KNDC1: variants seen among roughly 807,000 people sequenced by gnomAD.
The protein encoded by KNDC1 is kinase non-catalytic C-lobe domain containing 1.
A neutral mutation model predicts 172.8 loss-of-function variants in KNDC1; 106 were observed. The ratio of observed to expected loss-of-function variants is 0.61; its 90% confidence interval spans 0.52 to 0.72. KNDC1 has a LOEUF of 0.72. Among genes scored for constraint, KNDC1 ranks in the 30% least tolerant of loss-of-function variants. KNDC1 has a pLI of 0.00. For synonymous variants in KNDC1, 1,083 were observed against 1,062.2 expected, an observed-to-expected ratio of 1.02 and a Z score of -0.38; for missense variants, 2,325 against 2,394.5, an observed-to-expected ratio of 0.97 and a Z score of 0.61.
At chr10:133,200,861 G>A (rs1045961183) in intron 16 of KNDC1, among the ~76,000 whole-genome samples, 4 of 152,230 alleles carry the variant, frequency 2.6e-5, no homozygotes, top group African/African-American at 9.6e-5. Flanking sequence ...CAAGGCAGAA[G>A]TGGGCTTGTT....
Position 133,207,277 on chromosome 10 carries a change from C to G in KNDC1, c.3720C>G (p.His1240Gln). 1 of 1,613,054 alleles carries G rather than the reference C, an allele frequency of 6.2e-7. No individual in the cohort carries two copies. Among genetic ancestry groups the G allele is most frequent in the African/African-American group, 1.3e-5 (1 of 75,060 alleles). ...SSLIFYNVNK[H>Q]PGGRQKARIL... ...TCATCTTCTACAACGTCAACAAGCA[C>G]CCGGGCGGCCGGCAGAAGGCCCGCA... The change falls in exon 20 of 30, where the codon CAC (histidine) becomes CAG (glutamine). Residue 1240 changes from histidine to glutamine, a missense_variant. Transcript: ENST00000304613.
rs1409561613 is a variant in KNDC1 at position 133,212,793 on chromosome 10, C to T, written c.4314C>T (p.Ala1438=). ...AGGAGCGCCCCTACACCATTGCTGC[C>T]GCCCTGCCCAAGCCCTGCTTCCTCG... ...PHKERPYTIA[A]ALPKPCFLED... The change falls in exon 24 of 30, where the codon GCC becomes GCT. Residue 1438 remains alanine, a synonymous_variant. Transcript: ENST00000304613. 7.4e-6 allele frequency: 12 copies of T among 1,613,902 alleles called. No homozygotes were observed. The highest frequency in any genetic ancestry group is 1.7e-5 in the Admixed American group (1 of 60,004).
chr10:133,186,485 A>G lies in KNDC1; in HGVS notation c.1137A>G (p.Ala379=). 6.2e-7 allele frequency: 1 copy of G among 1,612,290 alleles called. No homozygotes were observed. The highest frequency in any genetic ancestry group is 8.5e-7 in the Non-Finnish European group (1 of 1,179,688). Residue 379 remains alanine, a synonymous_variant, in exon 6 of 30, where the codon GCA becomes GCG. Transcript: ENST00000304613. ...ACCAGCTGGGACGGGTTCCCTGTGC[A>G]GGCCGCAGCACGGACAGGGGCCCTG... The part of the protein sequence containing the change: ...PEHQLGRVPC[A]GRSTDRGPGV...
chr10:133,188,569 C>G lies in KNDC1; in HGVS notation c.1357C>G (p.Leu453Val), dbSNP rs776605635. ...WVSLQDLLSQ[L>V]GRPFREYELW... ...GTCCCTGCAGGACCTCCTGTCCCAG[C>G]TGGGCCGGCCCTTCCGGGAGTACGA... Residue 453 changes from leucine (L) to valine (V), a missense_variant, in exon 7 of 30, where the codon CTG becomes GTG. Physicochemically the swap from Leu to Val is conservative, Grantham distance 32 (BLOSUM62 1). Coordinates refer to ENST00000304613, the MANE Select transcript of KNDC1 (RefSeq NM_152643.8). 1 of 1,584,432 alleles carries G rather than the reference C, an allele frequency of 6.3e-7. No homozygotes were observed. The highest frequency in any genetic ancestry group is 1.2e-5 in the South Asian group (1 of 86,946).
intron 3 of KNDC1, among the ~76,000 whole-genome samples, chr10:133,172,880 G>A (rs1449963609): frequency 6.6e-6 from 1 of 152,186 alleles, no homozygotes; most frequent in Non-Finnish European, 1.5e-5. Context: ...GCATGTACCT[G>A]TAGCCCCAGC....
intron 17 of KNDC1, among the ~76,000 whole-genome samples, chr10:133,205,821 C>T (rs1029141232): frequency 4.6e-5 from 7 of 151,904 alleles, no homozygotes; most frequent in African/African-American, 1.2e-4. Context: ...GGCAGCAGAG[C>T]GAATCGGGCC....
At chr10:133,222,972 A>G (rs368019726) in intron 29 of KNDC1, among the ~76,000 whole-genome samples, 1 of 4,000 alleles carries the variant, frequency 2.5e-4, no homozygotes, top group Non-Finnish European at 5.5e-4. Flanking sequence ...TGCTCTTCCC[A>G]GTGTGTGTGT....
intron 10 of KNDC1, among the ~76,000 whole-genome samples, chr10:133,196,147 T>C (rs1564889113): frequency 6.6e-6 from 1 of 152,136 alleles, no homozygotes; most frequent in Non-Finnish European, 1.5e-5. Flanking sequence ...TGTGGGCACG[T>C]GCAGACCCCT....
At chr10:133,206,056 C>T (rs1284610757) in intron 17 of KNDC1, among the ~76,000 whole-genome samples, 3 of 151,968 alleles carry the variant, frequency 2.0e-5, no homozygotes, top group South Asian at 4.2e-4. Context: ...CAAAATTAGC[C>T]GGGCATGGTG....
intron 15 of KNDC1, among the ~76,000 whole-genome samples, chr10:133,199,994 G>A (rs1310791796): frequency 6.6e-6 from 1 of 152,156 alleles, no homozygotes; most frequent in East Asian, 1.9e-4. Context: ...ACAGGGCCCA[G>A]CACTGAGCTG....
chr10:133,199,172 G>T lies in KNDC1; in HGVS notation c.2664G>T (p.Thr888=). The T allele has an allele frequency of 6.3e-7, 1 of 1,599,376 alleles. No homozygotes were observed. ...CVDASPLPGR[T]ACPSLQEATR... ...ATGCCTCGCCACTCCCAGGGAGGACGGCCTGCCCGTCGCTGCAGGAGGCCA... is the reference window on the plus strand; with the variant it reads ...ATGCCTCGCCACTCCCAGGGAGGACTGCCTGCCCGTCGCTGCAGGAGGCCA... Residue 888 remains threonine, a synonymous_variant, in exon 14 of 30, where the codon ACG becomes ACT. Coordinates refer to ENST00000304613, the MANE Select transcript of KNDC1 (RefSeq NM_152643.8).
intron 17 of KNDC1, among the ~76,000 whole-genome samples, chr10:133,205,337 C>T (rs1055751361): frequency 2.0e-5 from 3 of 152,232 alleles, no homozygotes; most frequent in Non-Finnish European, 2.9e-5. Context: ...AAGCAGTGCC[C>T]GGCGGCCCTC....
chr10:133,177,185 CAT>C (rs1564878101), intron 3 of KNDC1, among the ~76,000 whole-genome samples: 27 of 144,342 alleles, frequency 1.9e-4, no homozygotes, highest in African/African-American at 5.4e-4. Flanking sequence ...TATAGTGTGT[CAT>C]GTGCACGTGT....
At position 133,218,863 on chromosome 10, in the gene KNDC1, G is replaced by A. The variant is rs781770561; in HGVS notation, c.4710G>A (p.Leu1570=). The A allele has an allele frequency of 2.5e-6, 4 of 1,612,936 alleles. No homozygotes were observed. The highest frequency in any genetic ancestry group is 2.5e-6 in the Non-Finnish European group (3 of 1,179,084). ...LQVNLLSKFL[L]IAKSCYEQRN... Reference sequence around the variant, plus strand: ...TGAACTTGCTGTCCAAATTTTTGCTGATTGCAAAATCTTGCTATGAGCAGA... The same window carrying A: ...TGAACTTGCTGTCCAAATTTTTGCTAATTGCAAAATCTTGCTATGAGCAGA... The change falls in exon 27 of 30, where the codon CTG becomes CTA. Residue 1570 remains leucine, a synonymous_variant. Coordinates refer to ENST00000304613, the MANE Select transcript of KNDC1 (RefSeq NM_152643.8).
chr10:133,188,484 C>A lies in KNDC1; in HGVS notation c.1327-55C>A, dbSNP rs112484238. ...TGTCCCCCGGACATGCCTCTCCAGG[C>A]GGCGGGCCCTGGCAAGGGGTGTCCA... On this transcript the variant is annotated intron_variant, in intron 6 of 29. Coordinates refer to ENST00000304613, the MANE Select transcript of KNDC1 (RefSeq NM_152643.8). The A allele has an allele frequency of 4.2e-6, 5 of 1,179,192 alleles. No homozygotes were observed. The African/African-American group carries it at 4.5e-5, about 11-fold the overall frequency. The allele number at this position is 1,179,192 out of a possible 1,614,324, so 73.0% of individuals were successfully genotyped here.
chr10:133,187,224 C>G (rs966899732), intron 6 of KNDC1, among the ~76,000 whole-genome samples: 2 of 152,260 alleles, frequency 1.3e-5, no homozygotes, highest in African/African-American at 4.8e-5. Context: ...GTGGCCTCCA[C>G]ACAGGATGGG....
chr10:133,220,008 G>A lies in KNDC1; in HGVS notation c.4914G>A (p.Ala1638=), dbSNP rs923275536. 71 of 1,553,808 alleles carry A rather than the reference G, an allele frequency of 4.6e-5. No homozygotes were observed. Among genetic ancestry groups the A allele is most frequent in the Non-Finnish European group, 5.7e-5 (66 of 1,148,570 alleles). Residue 1638 remains alanine, a synonymous_variant, in exon 29 of 30, where the codon GCG becomes GCA. Transcript: ENST00000304613. Reference sequence around the variant, plus strand: ...TGATGGAAGGGCGGCGCTTCCGGGCGCAGCCCACCCTGCCCTCGGCCCACC... The same window carrying A: ...TGATGGAAGGGCGGCGCTTCCGGGCACAGCCCACCCTGCCCTCGGCCCACC... ...LCLMEGRRFR[A]QPTLPSAHLL... is the part of the protein sequence containing the mutation.
chr10:133,166,885 C>T (rs1344331716), intron 1 of KNDC1, among the ~76,000 whole-genome samples: 1 of 152,150 alleles, frequency 6.6e-6, no homozygotes, highest in Non-Finnish European at 1.5e-5. Context: ...GTGACTGTGT[C>T]CTCCGTGTGA....
rs1458610320 is a variant in KNDC1 at position 133,186,230 on chromosome 10, A to G, written c.882A>G (p.Arg294=). 1.3e-6 allele frequency: 2 copies of G among 1,588,510 alleles called. No individual in the cohort carries two copies. The highest frequency in any genetic ancestry group is 1.7e-6 in the Non-Finnish European group (2 of 1,168,154). ...DAERTLGELD[R]DALRRSRLRK... ...AGCGCACCCTCGGGGAGCTGGACAG[A>G]GACGCCCTCAGGAGAAGCCGCCTGC... Residue 294 remains arginine, a synonymous_variant, in exon 6 of 30, where the codon AGA becomes AGG. Transcript: ENST00000304613.
Sources: gnomAD v4.1 joint callset for allele counts (sites outside exome capture counted in the v4.1 genomes callset) on GRCh38, gnomAD v4.1.1 for gene constraint, MANE v1.5 for transcripts, NCBI Gene and HGNC (gene_info 2026-07-23, HGNC 2026-07-21) for gene names.